The following LRRC28 variants were observed in gnomAD, a reference collection of about 807,000 sequenced individuals.
LRRC28 encodes leucine rich repeat containing 28.
Under a neutral mutation model 45.7 loss-of-function variants are expected in LRRC28, and 39 were observed. That is an observed-to-expected ratio of 0.85 (90% confidence interval 0.66 to 1.12). LRRC28 has a LOEUF of 1.12. Ranked by LOEUF, LRRC28 falls within the 50% of genes most tolerant of loss-of-function variation. The pLI is 0.00. For synonymous variants in LRRC28, 206 were observed against 178.8 expected (o/e 1.15, Z -1.22); for missense variants, 435 against 438.5 (o/e 0.99, Z 0.07).
At chr15:99,342,191 C>G (rs1555571265) in intron 6 of LRRC28, among the ~76,000 whole-genome samples, 1 of 152,202 alleles carries the variant, frequency 6.6e-6, no homozygotes, top group Non-Finnish European at 1.5e-5. Context: ...CCTCACTTAT[C>G]TCTTTGGCAA....
intron 9 of LRRC28, among the ~76,000 whole-genome samples, chr15:99,376,515 GTATTT>G (rs1653150028): frequency 6.6e-6 from 1 of 151,846 alleles, no homozygotes; most frequent in Admixed American, 6.6e-5. Flanking sequence ...TTGATGACTA[GTATTT>G]TATTTTCATT....
At chr15:99,330,486 A>G (rs960092148) in intron 5 of LRRC28, among the ~76,000 whole-genome samples, 1 of 152,150 alleles carries the variant, frequency 6.6e-6, no homozygotes, top group Non-Finnish European at 1.5e-5. Flanking sequence ...CTATTATGAA[A>G]TATTCGTCTT....
chr15:99,333,900 C>A, intron 5 of LRRC28, 23 bp from the exon 6 acceptor site: 1 of 1,611,744 alleles, frequency 6.2e-7, no homozygotes, highest in South Asian at 1.1e-5. Context: ...TGCAATTTAT[C>A]CTAATTTTGA....
chr15:99,356,239 G>C (rs1957044097), intron 7 of LRRC28, among the ~76,000 whole-genome samples: 1 of 152,130 alleles, frequency 6.6e-6, no homozygotes, highest in African/African-American at 2.4e-5. Flanking sequence ...CAAGAAGAAA[G>C]ATGACCAGCA....
intron 6 of LRRC28, among the ~76,000 whole-genome samples, chr15:99,348,196 G>A (rs561515357): frequency 6.6e-5 from 10 of 152,204 alleles, no homozygotes. Flanking sequence ...TATGTGGTTT[G>A]TAGTTATTTG....
At chr15:99,327,110 T>G (rs527580271) in intron 5 of LRRC28, among the ~76,000 whole-genome samples, 6 of 152,216 alleles carry the variant, frequency 3.9e-5, no homozygotes, top group African/African-American at 1.2e-4. Flanking sequence ...AGTCTTGCTC[T>G]GTCGCCTAGG....
intron 6 of LRRC28, among the ~76,000 whole-genome samples, chr15:99,351,856 C>T (rs77354928): frequency 0.03 from 4,512 of 152,208 alleles, 200 homozygotes; most frequent in African/African-American, 0.1. Flanking sequence ...CTGAATATAA[C>T]GTGGGCAAGT....
chr15:99,287,299 G>A lies in LRRC28; in HGVS notation c.247+5G>A. 2 of 1,546,062 alleles carry A rather than the reference G, an allele frequency of 1.3e-6. No individual in the cohort carries two copies. Reference sequence around the variant, plus strand: ...ACATAGTTGTGGTTCCGGAAGGTATGTTTAACTTAAAAATTTTAGTTAGAA... The same window carrying A: ...ACATAGTTGTGGTTCCGGAAGGTATATTTAACTTAAAAATTTTAGTTAGAA... On this transcript the variant is annotated splice_donor_5th_base_variant and intron_variant, in intron 4 of 9. Coordinates refer to ENST00000301981, the MANE Select transcript of LRRC28 (RefSeq NM_144598.5).
At chr15:99,336,793 C>A (rs1424480919) in intron 6 of LRRC28, among the ~76,000 whole-genome samples, 1 of 152,178 alleles carries the variant, frequency 6.6e-6, no homozygotes, top group Non-Finnish European at 1.5e-5. Context: ...CATTGCCCGG[C>A]CCCTGCAACT....
chr15:99,353,973 C>T lies in LRRC28; in HGVS notation c.695+1502C>T, dbSNP rs1956967524. 7 of 152,050 alleles carry T rather than the reference C, an allele frequency of 4.6e-5. No individual in the cohort carries two copies. The South Asian group carries it at 1.5e-3, about 32-fold the overall frequency. 9.4% of individuals were successfully genotyped at this position (152,050 alleles called of 1,614,324 possible). A position where few individuals can be genotyped will look rare whatever the true frequency, so the allele number is the denominator to read the frequency against. On this transcript the variant is annotated intron_variant, in intron 7 of 9. Transcript: ENST00000301981. ...TCCAAATCTTTTTAAAAAAACAAAA[C>T]ACTAGGGGAAAATACACAAATTATT...
At chr15:99,331,199 T>C (rs1463912556) in intron 5 of LRRC28, among the ~76,000 whole-genome samples, 1 of 152,234 alleles carries the variant, frequency 6.6e-6, no homozygotes, top group Non-Finnish European at 1.5e-5. Context: ...TCAAAATCAT[T>C]TATTTTACTT....
rs558197947 is a variant in LRRC28, at chr15:99,382,849, T to C, written c.1032-3181T>C. Among the ~76,000 whole-genome samples the C allele has an allele frequency of 3.9e-5, 6 of 152,216 alleles. No individual in the cohort carries two copies. The South Asian group carries it at 8.3e-4, about 21-fold the overall frequency. On this transcript the variant is annotated intron_variant, in intron 9 of 9. Transcript: ENST00000301981. ...GTGTTATTCAGTTTTTCTATACTTA[T>C]ACTAATTTTCTATCTAGTATATCAG...
chr15:99,292,433 C>G (rs991557126), intron 5 of LRRC28, among the ~76,000 whole-genome samples: 1 of 146,614 alleles, frequency 6.8e-6, no homozygotes, highest in African/African-American at 2.5e-5. Flanking sequence ...GGTGCAATCT[C>G]GGCTCACTGC....
chr15:99,385,975 C>T (rs377753629), intron 9 of LRRC28, 55 bp from the exon 10 acceptor site: 845 of 1,509,398 alleles, frequency 5.6e-4, no homozygotes, highest in Non-Finnish European at 6.7e-4. Context: ...CAGAAAGAAT[C>T]AGAGACTTTA....
intron 3 of LRRC28, chr15:99,285,024 A>C: frequency 1.5e-6 from 1 of 649,738 alleles, no homozygotes; most frequent in Non-Finnish European, 2.9e-6. Flanking sequence ...AGCACTAGCC[A>C]TCTCTTGGCT....
At chr15:99,258,124 A>G (rs2081079686) in intron 2 of LRRC28, 12 of 1,605,970 alleles carry the variant, frequency 7.5e-6, no homozygotes, top group South Asian at 3.3e-5. Flanking sequence ...CCATAGCCAA[A>G]TCTTGAACAA....
chr15:99,361,989 A>G (rs1002012974), intron 8 of LRRC28, among the ~76,000 whole-genome samples: 1 of 152,216 alleles, frequency 6.6e-6, no homozygotes, highest in Non-Finnish European at 1.5e-5. Context: ...AGCAATATGT[A>G]GACCTAAAGG....
chr15:99,270,384 A>T (rs776996017), intron 2 of LRRC28, among the ~76,000 whole-genome samples: 1 of 152,178 alleles, frequency 6.6e-6, no homozygotes. Flanking sequence ...CGTTCACTCC[A>T]GAGTAAAACC....
At chr15:99,269,881 T>G (rs2081428798) in intron 2 of LRRC28, among the ~76,000 whole-genome samples, 1 of 151,876 alleles carries the variant, frequency 6.6e-6, no homozygotes, top group Non-Finnish European at 1.5e-5. Flanking sequence ...ATGAAGTGAG[T>G]CAAGAGACAA....
Sources: gnomAD v4.1 joint callset for allele counts (sites outside exome capture counted in the v4.1 genomes callset) on GRCh38, gnomAD v4.1.1 for gene constraint, MANE v1.5 for transcripts, NCBI Gene and HGNC (gene_info 2026-07-23, HGNC 2026-07-21) for gene names.